SPG11: variants seen among roughly 807,000 people sequenced by gnomAD.
The protein encoded by SPG11 is SPG11 vesicle trafficking associated, spatacsin.
SPG11 carries 222 observed loss-of-function variants against 274.0 expected under a neutral mutation model. That is an observed-to-expected ratio of 0.81 (90% CI 0.73 to 0.91). The LOEUF is 0.91. Ranked by LOEUF, SPG11 falls within the 40% of genes least tolerant of loss-of-function variation. The probability of loss-of-function intolerance (pLI) is 0.00; values close to 1 mark genes in which losing one functional copy is unlikely to be tolerated. For synonymous variants in SPG11, 1,144 were observed against 1,039.7 expected (o/e 1.10, Z -1.93); for missense variants, 3,114 against 2,872.7 (o/e 1.08, Z -1.92).
intron 16 of SPG11, 149 bp from the exon 17 acceptor site, chr15:44,613,685 G>T (rs1396870839): frequency 3.4e-6 from 2 of 595,994 alleles, no homozygotes; most frequent in East Asian, 5.9e-5. Context: ...CTCTTGTGTT[G>T]TATTTTACAT....
At position 44,587,153 on chromosome 15, in the gene SPG11, G is replaced by A. The variant is rs80285344; in HGVS notation, c.4907-1303C>T. Among the ~76,000 whole-genome samples the A allele has an allele frequency of 6.0e-3, 908 of 152,316 alleles. 27 individuals are homozygous for A. The East Asian group carries it at 0.09, about 15-fold the overall frequency. Reference sequence around the variant, plus strand: ...GTTCAAGACCAGCCTGTGCAACATGGCAAGACCTTTCTCTCTATTAAACAA... The same window carrying A: ...GTTCAAGACCAGCCTGTGCAACATGACAAGACCTTTCTCTCTATTAAACAA... On this transcript the variant is annotated intron_variant, in intron 28 of 39. Coordinates refer to ENST00000261866, the MANE Select transcript of SPG11 (RefSeq NM_025137.4).
intron 37 of SPG11, 46 bp downstream of exon 37, chr15:44,566,171 C>T (rs1474657991): frequency 6.2e-7 from 1 of 1,607,566 alleles, no homozygotes; most frequent in Non-Finnish European, 8.5e-7. Flanking sequence ...AATTTTACTG[C>T]AGACAGCAAG....
intron 8 of SPG11, among the ~76,000 whole-genome samples, chr15:44,632,103 C>G (rs2084083187): frequency 6.6e-6 from 1 of 152,118 alleles, no homozygotes; most frequent in African/African-American, 2.4e-5. Flanking sequence ...GCCACTGCAC[C>G]TGGCCTACAT....
intron 7 of SPG11, among the ~76,000 whole-genome samples, chr15:44,637,923 G>A (rs2084325731): frequency 6.6e-6 from 1 of 152,244 alleles, no homozygotes; most frequent in South Asian, 2.1e-4. Context: ...TTGTCTTGTG[G>A]GACAAGATGT....
At chr15:44,618,689 G>A (rs2083657980) in intron 15 of SPG11, among the ~76,000 whole-genome samples, 1 of 151,850 alleles carries the variant, frequency 6.6e-6, no homozygotes, top group Non-Finnish European at 1.5e-5. Flanking sequence ...GCGTGGTGGT[G>A]GGTGCCTGTA....
chr15:44,636,513 T>C (rs914612835), intron 7 of SPG11, among the ~76,000 whole-genome samples: 30 of 151,302 alleles, frequency 2.0e-4, no homozygotes, highest in African/African-American at 7.3e-4. Context: ...ATACAAAAAA[T>C]TAGCCGGGCG....
At position 44,633,566 on chromosome 15, in the gene SPG11, T is replaced by C. The variant is rs763315402; in HGVS notation, c.1674A>G (p.Pro558=). 9.9e-6 allele frequency: 16 copies of C among 1,612,504 alleles called. No homozygotes were observed. Among genetic ancestry groups the C allele is most frequent in the Non-Finnish European group, 1.4e-5 (16 of 1,178,782 alleles). The change falls in exon 8 of 40, where the codon CCA becomes CCG. Residue 558 remains proline, a synonymous_variant. Transcript: ENST00000261866. ...GATCAGATACAGAAGATTTTGAGGA[T>C]GGATTAAAAAGATTTTCCTTGCTCT... ...FLKSKENLFN[P]SSKSSVSDQF...
Position 44,610,820 on chromosome 15 carries a change from T to C in SPG11, c.3291+20A>G. 1.9e-6 allele frequency: 3 copies of C among 1,611,106 alleles called. No individual in the cohort carries two copies. Among genetic ancestry groups the C allele is most frequent in the Non-Finnish European group, 2.5e-6 (3 of 1,177,410 alleles). On this transcript the variant is annotated intron_variant, in intron 18 of 39. Coordinates refer to ENST00000261866, the MANE Select transcript of SPG11 (RefSeq NM_025137.4). The stretch of plus-strand genomic sequence containing the variant: ...AAATTTAAAAATCAGTCCTATTTTG[T>C]CATAAAGTGCTATCCATACCTGACT...
intron 1 of SPG11, among the ~76,000 whole-genome samples, chr15:44,661,395 C>T (rs980555343): frequency 1.7e-4 from 26 of 152,210 alleles, no homozygotes; most frequent in Admixed American, 3.9e-4. Flanking sequence ...AGAGGTGAGG[C>T]TATACCATGC....
intron 27 of SPG11, among the ~76,000 whole-genome samples, chr15:44,591,108 C>G (rs1449936361): frequency 6.6e-6 from 1 of 152,220 alleles, no homozygotes; most frequent in Non-Finnish European, 1.5e-5. Flanking sequence ...TTCTCATCCT[C>G]TTCTCTTAAA....
intron 36 of SPG11, 154 bp downstream of exon 36, chr15:44,567,270 G>C (rs1360933127): frequency 4.2e-6 from 3 of 717,872 alleles, no homozygotes; most frequent in Non-Finnish European, 6.8e-6. Context: ...AGAATCACTT[G>C]AACCTGGGAG....
chr15:44,570,592 C>T lies in SPG11; in HGVS notation c.6410G>A (p.Arg2137Gln), dbSNP rs200283964. The change falls in exon 34 of 40, where the codon CGA (arginine) becomes CAA (glutamine). Residue 2137 changes from arginine (R) to glutamine (Q), a missense_variant. Coordinates refer to ENST00000261866, the MANE Select transcript of SPG11 (RefSeq NM_025137.4). The part of the protein sequence containing the change: ...TLTCHMEGII[R>Q]VLQAAHMLTD... ...GAGCATGTGGGCGGCCTGTAGGACT[C>T]GGATGATGCCCTCCATGTGGCACGT... 5.9e-5 allele frequency: 95 copies of T among 1,613,986 alleles called. No homozygotes were observed. Among genetic ancestry groups the T allele is most frequent in the Non-Finnish European group, 7.3e-5 (86 of 1,180,010 alleles).
intron 10 of SPG11, among the ~76,000 whole-genome samples, chr15:44,627,577 GA>G (rs1423676701): frequency 6.6e-6 from 1 of 151,842 alleles, no homozygotes. Context: ...CAAAAAAGTA[GA>G]AGGAAAAGTA....
Position 44,565,841 on chromosome 15 carries a change from C to G in SPG11, c.6999+13G>C. The G allele has an allele frequency of 6.2e-7, 1 of 1,613,954 alleles. No individual in the cohort carries two copies. Among genetic ancestry groups the G allele is most frequent in the Non-Finnish European group, 8.5e-7 (1 of 1,179,976 alleles). On this transcript the variant is annotated intron_variant, in intron 38 of 39. Transcript: ENST00000261866. The stretch of plus-strand genomic sequence containing the variant: ...TGCTAGCAGTGCTGGCTACAGTTTG[C>G]TTTCTTGCTCACCTGGTAGAACCGA...
At position 44,600,655 on chromosome 15, in the gene SPG11, T is replaced by C. The variant is rs746327564; in HGVS notation, c.3521-23A>G. On this transcript the variant is annotated intron_variant, in intron 20 of 39. Coordinates refer to ENST00000261866, the MANE Select transcript of SPG11 (RefSeq NM_025137.4). Reference sequence around the variant, plus strand: ...CATCTAGGGGGAAAGTAAAACAATATTAATTATCTGTATATCACCATAATT... The same window carrying C: ...CATCTAGGGGGAAAGTAAAACAATACTAATTATCTGTATATCACCATAATT... The C allele has an allele frequency of 4.3e-6, 7 of 1,609,774 alleles. No homozygotes were observed. The Admixed American group carries it at 1.0e-4, about 23-fold the overall frequency.
chr15:44,567,285 A>G (rs2082329617), intron 36 of SPG11, 139 bp downstream of exon 36: 2 of 822,690 alleles, frequency 2.4e-6, no homozygotes, highest in Non-Finnish European at 3.8e-6. Flanking sequence ...TGGGAGGCGG[A>G]GGTTGCAGGG....
chr15:44,588,193 A>G (rs2082815705), intron 28 of SPG11, among the ~76,000 whole-genome samples: 2 of 152,186 alleles, frequency 1.3e-5, no homozygotes, highest in African/African-American at 2.4e-5. Context: ...CATTCAATAA[A>G]AAACTTGAAA....
At chr15:44,637,025 T>C (rs1473377394) in intron 7 of SPG11, among the ~76,000 whole-genome samples, 1 of 151,438 alleles carries the variant, frequency 6.6e-6, no homozygotes, top group African/African-American at 2.4e-5. Flanking sequence ...AACTTAATGT[T>C]CATTTTACTA....
At chr15:44,587,277 G>T (rs543311325) in intron 28 of SPG11, among the ~76,000 whole-genome samples, 2 of 152,176 alleles carry the variant, frequency 1.3e-5, no homozygotes, top group Non-Finnish European at 2.9e-5. Flanking sequence ...TAAGAGAGGG[G>T]CATGAGAAAC....
Sources: gnomAD v4.1 joint callset for allele counts (sites outside exome capture counted in the v4.1 genomes callset) on GRCh38, gnomAD v4.1.1 for gene constraint, MANE v1.5 for transcripts, NCBI Gene and HGNC (gene_info 2026-07-23, HGNC 2026-07-21) for gene names.